Variants in SNCB observed in about 807,000 individuals in gnomAD.
The protein encoded by SNCB is beta-synuclein.
A neutral mutation model predicts 20.0 loss-of-function variants in SNCB; 8 were observed. The ratio of observed to expected loss-of-function variants is 0.40; its 90% CI spans 0.24 to 0.72. The LOEUF (loss-of-function observed/expected upper bound fraction) is 0.72. Ranked by LOEUF, SNCB falls within the 30% of genes least tolerant of loss-of-function variation. The pLI, the probability that SNCB is intolerant of heterozygous loss-of-function variation, is 0.37. For synonymous variants in SNCB, 56 were observed against 65.4 expected (o/e 0.86, Z 0.69); for missense variants, 125 against 168.0 (o/e 0.74, Z 1.41).
rs1242628573 is a variant in SNCB at position 176,629,402 on chromosome 5, C to T, written c.121+132G>A. ...TGGGCTGGCTATGTCCCCTATGACC[C>T]CTGCTGACCTCGCCCCATCTGCTGA... On this transcript the variant is annotated intron_variant, in intron 2 of 5. Transcript: ENST00000393693. This position sits in a 1 kb window ranked among gnomAD's most constrained non-coding sequence, Gnocchi z 4.1. The T allele has an allele frequency of 1.3e-5, 13 of 974,170 alleles. No individual in the cohort carries two copies. Among genetic ancestry groups the T allele is most frequent in the African/African-American group, 6.4e-5 (4 of 62,222 alleles). 60.3% of individuals were successfully genotyped at this position (974,170 alleles called of 1,614,324 possible).
In SNCB at chr5:176,621,088, T is replaced by C. The variant is rs893345649; in HGVS notation, c.372+126A>G. ...CTGCTCCCACCTCCTGGGGCCTGGG[T>C]TCTAGAAGAGGGATGTCAAGCTCCC... On this transcript the variant is annotated intron_variant, in intron 5 of 5. Coordinates refer to ENST00000393693, the MANE Select transcript of SNCB (RefSeq NM_003085.5). This position sits in a 1 kb window ranked among gnomAD's most constrained non-coding sequence, Gnocchi z 4.1. The C allele has an allele frequency of 3.5e-6, 3 of 851,634 alleles. No homozygotes were observed. In the African/African-American group the frequency reaches 5.0e-5, roughly 14 times the overall value. 52.8% of individuals were successfully genotyped at this position (851,634 alleles called of 1,614,324 possible).
intron 2 of SNCB, among the ~76,000 whole-genome samples, chr5:176,628,141 G>A (rs1388869907): frequency 1.3e-5 from 2 of 152,170 alleles, no homozygotes; most frequent in Non-Finnish European, 2.9e-5. Flanking sequence ...GCTTTAACTT[G>A]TAGGAACTGG....
At position 176,620,982 on chromosome 5, in the gene SNCB, G is replaced by A. The variant is rs1759550185; in HGVS notation, c.373-139C>T. The A allele has an allele frequency of 2.4e-6, 2 of 848,396 alleles. No homozygotes were observed. Among genetic ancestry groups the A allele is most frequent in the South Asian group, 1.4e-5 (1 of 69,946 alleles). 52.6% of individuals were successfully genotyped at this position (848,396 alleles called of 1,614,324 possible). A position where few individuals can be genotyped will look rare whatever the true frequency, so the allele number is the denominator to read the frequency against. ...TCCCCTTTTCCTGGGCAGGGGAGGAGCCTGGAAGTTGGGGACAACAGAGAA... is the reference window on the plus strand; with the variant it reads ...TCCCCTTTTCCTGGGCAGGGGAGGAACCTGGAAGTTGGGGACAACAGAGAA... On this transcript the variant is annotated intron_variant, in intron 5 of 5. Coordinates refer to ENST00000393693, the MANE Select transcript of SNCB (RefSeq NM_003085.5). The surrounding 1 kb of genome is among the most constrained non-coding windows in gnomAD (Gnocchi z 4.5).
At position 176,629,421 on chromosome 5, in the gene SNCB, C is replaced by G. The variant is rs909653851; in HGVS notation, c.121+113G>C. The G allele has an allele frequency of 3.4e-6, 4 of 1,193,022 alleles. No individual in the cohort carries two copies. The highest frequency in any genetic ancestry group is 4.8e-6 in the Non-Finnish European group (4 of 833,310). 73.9% of individuals were successfully genotyped at this position (1,193,022 alleles called of 1,614,324 possible). ...ATGACCCCTGCTGACCTCGCCCCAT[C>G]TGCTGACTCATATTCTCCTGCCCAG... On this transcript the variant is annotated intron_variant, in intron 2 of 5. Transcript: ENST00000393693. This position sits in a 1 kb window ranked among gnomAD's most constrained non-coding sequence, Gnocchi z 4.1.
At position 176,626,153 on chromosome 5, in the gene SNCB, A is replaced by T. The variant is rs927689698; in HGVS notation, c.282+245T>A. Among the ~76,000 whole-genome samples, 2 of 152,098 alleles carry T rather than the reference A, an allele frequency of 1.3e-5. No individual in the cohort carries two copies. The highest frequency in any genetic ancestry group is 4.8e-5 in the African/African-American group (2 of 41,392). On this transcript the variant is annotated intron_variant, in intron 4 of 5. Transcript: ENST00000393693. This position sits in a 1 kb window ranked among gnomAD's most constrained non-coding sequence, Gnocchi z 4.2. ...TGGGTCACGCTGGCAAGCAGGATAC[A>T]CGCAGACAGCCAGGTCTGGGTCCCC...
In SNCB at chr5:176,629,974, G is replaced by A; in HGVS notation, c.-10+306C>T. 1 of 321,030 alleles carries A rather than the reference G, an allele frequency of 3.1e-6. No individual in the cohort carries two copies. Among genetic ancestry groups the A allele is most frequent in the Non-Finnish European group, 5.9e-6 (1 of 170,146 alleles). The allele number at this position is 321,030 out of a possible 1,614,324, so 19.9% of individuals were successfully genotyped here. A position where few individuals can be genotyped will look rare whatever the true frequency, so the allele number is the denominator to read the frequency against. On this transcript the variant is annotated intron_variant, in intron 1 of 5. Coordinates refer to ENST00000393693, the MANE Select transcript of SNCB (RefSeq NM_003085.5). The surrounding 1 kb of genome is among the most constrained non-coding windows in gnomAD (Gnocchi z 4.1). ...GAATATCCAGGACCCGCCTGTACAC[G>A]CACGGCACAGTCACACGGTCATGCA...
In SNCB at chr5:176,629,769, TCTGGACC is replaced by T; in HGVS notation, c.-9-113_-9-107del. The stretch of plus-strand genomic sequence containing the variant: ...CCTACTCCCGAGACCGCGGCGCCCT[TCTGGACC>T]CTGAGCCCCCTCCCGCTTTCCCCCC... On this transcript the variant is annotated intron_variant, in intron 1 of 5. Coordinates refer to ENST00000393693, the MANE Select transcript of SNCB (RefSeq NM_003085.5). The surrounding 1 kb of genome is among the most constrained non-coding windows in gnomAD (Gnocchi z 4.1). The T allele has an allele frequency of 6.9e-7, 1 of 1,439,316 alleles. No homozygotes were observed. The highest frequency in any genetic ancestry group is 9.3e-7 in the Non-Finnish European group (1 of 1,076,068). 89.2% of individuals were successfully genotyped at this position (1,439,316 alleles called of 1,614,324 possible). A position where few individuals can be genotyped will look rare whatever the true frequency, so the allele number is the denominator to read the frequency against.
rs757359474 is a variant in SNCB at position 176,620,776 on chromosome 5, AG to A, written c.*34del. The A allele has an allele frequency of 6.4e-7, 1 of 1,563,086 alleles. No individual in the cohort carries two copies. The highest frequency in any genetic ancestry group is 8.8e-7 in the Non-Finnish European group (1 of 1,133,130). ...TGGGGGGCGGGGCAGGGACAGGGAC[AG>A]AATTGTGCTGCTGGTGGGGGCTCTC... On this transcript the variant is annotated 3_prime_UTR_variant, in exon 6 of 6. Transcript: ENST00000393693. The surrounding 1 kb of genome is among the most constrained non-coding windows in gnomAD (Gnocchi z 4.5).
Position 176,620,255 on chromosome 5 carries a change from C to CATTAAAAAA in SNCB, c.*555_*556insTTTTTTAAT. On this transcript the variant is annotated 3_prime_UTR_variant, in exon 6 of 6. Coordinates refer to ENST00000393693, the MANE Select transcript of SNCB (RefSeq NM_003085.5). The surrounding 1 kb of genome is among the most constrained non-coding windows in gnomAD (Gnocchi z 4.5). ...CATGGACTCTCGGGGGCGGCCGGGC[C>CATTAAAAAA]CACCCGCCCGGGACACGCTCACATG... The CATTAAAAAA allele has an allele frequency of 1.4e-5, 2 of 145,716 alleles. No individual in the cohort carries two copies. Among genetic ancestry groups the CATTAAAAAA allele is most frequent in the South Asian group, 2.3e-4 (1 of 4,342 alleles). 9.0% of individuals were successfully genotyped at this position (145,716 alleles called of 1,614,324 possible). A position where few individuals can be genotyped will look rare whatever the true frequency, so the allele number is the denominator to read the frequency against.
chr5:176,621,125 T>C lies in SNCB; in HGVS notation c.372+89A>G. The C allele has an allele frequency of 9.2e-7, 1 of 1,089,862 alleles. No individual in the cohort carries two copies. The highest frequency in any genetic ancestry group is 1.4e-6 in the Non-Finnish European group (1 of 725,434). 67.5% of individuals were successfully genotyped at this position (1,089,862 alleles called of 1,614,324 possible). ...GATGTCAAGCTCCCTGGCCCAACCA[T>C]CTCATGCCAGGGATGTCCCACCCCA... On this transcript the variant is annotated intron_variant, in intron 5 of 5. Coordinates refer to ENST00000393693, the MANE Select transcript of SNCB (RefSeq NM_003085.5). The surrounding 1 kb of genome is among the most constrained non-coding windows in gnomAD (Gnocchi z 4.1).
In SNCB at chr5:176,626,992, C is replaced by T. The variant is rs1324009337; in HGVS notation, c.122-231G>A. On this transcript the variant is annotated intron_variant, in intron 2 of 5. Transcript: ENST00000393693. The surrounding 1 kb of genome is among the most constrained non-coding windows in gnomAD (Gnocchi z 4.2). ...TCCCACCTGATGCGATACCCCACCC[C>T]TCTAGTGGATGTTGGCTGAGGGCCA... Among the ~76,000 whole-genome samples, 33 of 152,224 alleles carry T rather than the reference C, an allele frequency of 2.2e-4. No homozygotes were observed. The highest frequency in any genetic ancestry group is 2.1e-3 in the Admixed American group (32 of 15,288).
rs555695428 is a variant in SNCB, at chr5:176,620,949, T to C, written c.373-106A>G. ...AAGAACCCTCTCCCTGAAGGAGGAA[T>C]AGCACATTCCCCTTTTCCTGGGCAG... On this transcript the variant is annotated intron_variant, in intron 5 of 5. Transcript: ENST00000393693. The surrounding 1 kb of genome is among the most constrained non-coding windows in gnomAD (Gnocchi z 4.5). 11 of 994,936 alleles carry C rather than the reference T, an allele frequency of 1.1e-5. No individual in the cohort carries two copies. Among genetic ancestry groups the C allele is most frequent in the Non-Finnish European group, 1.6e-5 (10 of 622,164 alleles). The allele number at this position is 994,936 out of a possible 1,614,324, so 61.6% of individuals were successfully genotyped here.
chr5:176,621,413 A>C lies in SNCB; in HGVS notation c.283-110T>G. 3.7e-6 allele frequency: 3 copies of C among 821,498 alleles called. No homozygotes were observed. The South Asian group carries it at 4.3e-5, about 12-fold the overall frequency. The allele number at this position is 821,498 out of a possible 1,614,324, so 50.9% of individuals were successfully genotyped here. On this transcript the variant is annotated intron_variant, in intron 4 of 5. Coordinates refer to ENST00000393693, the MANE Select transcript of SNCB (RefSeq NM_003085.5). This position sits in a 1 kb window ranked among gnomAD's most constrained non-coding sequence, Gnocchi z 4.1. ...GTGGGGAAGGCTAGGGTGGGTTGGC[A>C]GAGCAAGGATAATTTCTAATTCAGT...
Position 176,621,661 on chromosome 5 carries a change from A to C in SNCB, c.283-358T>G, listed in dbSNP as rs574954594. Reference sequence around the variant, plus strand: ...CATCGGGACCCCAGAGATAACCCTCAGGCTCCCCTGGGCTGAAGGGAGCTG... The same window carrying C: ...CATCGGGACCCCAGAGATAACCCTCCGGCTCCCCTGGGCTGAAGGGAGCTG... On this transcript the variant is annotated intron_variant, in intron 4 of 5. Coordinates refer to ENST00000393693, the MANE Select transcript of SNCB (RefSeq NM_003085.5). The surrounding 1 kb of genome is among the most constrained non-coding windows in gnomAD (Gnocchi z 4.1). 3.3e-5 allele frequency among the ~76,000 whole-genome samples: 5 copies of C among 152,186 alleles called. No homozygotes were observed. The highest frequency in any genetic ancestry group is 9.6e-5 in the African/African-American group (4 of 41,510).
chr5:176,627,942 G>GA (rs1760079347), intron 2 of SNCB, among the ~76,000 whole-genome samples: 1 of 152,224 alleles, frequency 6.6e-6, no homozygotes, highest in Non-Finnish European at 1.5e-5. Context: ...TAGGCCTTGA[G>GA]AAATGGGGAA....
Position 176,629,392 on chromosome 5 carries a change from C to T in SNCB, c.121+142G>A. On this transcript the variant is annotated intron_variant, in intron 2 of 5. Transcript: ENST00000393693. This position sits in a 1 kb window ranked among gnomAD's most constrained non-coding sequence, Gnocchi z 4.1. The stretch of plus-strand genomic sequence containing the variant: ...CAGGCTTCTATGGGCTGGCTATGTC[C>T]CCTATGACCCCTGCTGACCTCGCCC... 3.4e-6 allele frequency: 3 copies of T among 871,044 alleles called. No individual in the cohort carries two copies. The highest frequency in any genetic ancestry group is 5.4e-6 in the Non-Finnish European group (3 of 557,586). 54.0% of individuals were successfully genotyped at this position (871,044 alleles called of 1,614,324 possible).
Position 176,626,377 on chromosome 5 carries a change from C to T in SNCB, c.282+21G>A, listed in dbSNP as rs374468997. 1.8e-4 allele frequency: 262 copies of T among 1,424,204 alleles called. 1 individual carries two copies. Among genetic ancestry groups the T allele is most frequent in the Non-Finnish European group, 4.5e-5 (45 of 1,008,334 alleles). The allele number at this position is 1,424,204 out of a possible 1,614,324, so 88.2% of individuals were successfully genotyped here. A position where few individuals can be genotyped will look rare whatever the true frequency, so the allele number is the denominator to read the frequency against. Reference sequence around the variant, plus strand: ...GTGTGTGTGTGTTTGCCTGCATGTGCGGGTCAGAAGGATCGCTTACCTTCA... The same window carrying T: ...GTGTGTGTGTGTTTGCCTGCATGTGTGGGTCAGAAGGATCGCTTACCTTCA... On this transcript the variant is annotated intron_variant, in intron 4 of 5. Transcript: ENST00000393693. The surrounding 1 kb of genome is among the most constrained non-coding windows in gnomAD (Gnocchi z 4.2).
In SNCB at chr5:176,629,807, A is replaced by C. The variant is rs1760249770; in HGVS notation, c.-9-144T>G. On this transcript the variant is annotated intron_variant, in intron 1 of 5. Coordinates refer to ENST00000393693, the MANE Select transcript of SNCB (RefSeq NM_003085.5). The surrounding 1 kb of genome is among the most constrained non-coding windows in gnomAD (Gnocchi z 4.1). ...CCCCCTCCCGCTTTCCCCCCATCCC[A>C]CCCCACTCCCCAGTGCGAAGCCTCA... 13 of 1,111,026 alleles carry C rather than the reference A, an allele frequency of 1.2e-5. No homozygotes were observed. Among genetic ancestry groups the C allele is most frequent in the East Asian group, 8.2e-5 (3 of 36,624 alleles). The allele number at this position is 1,111,026 out of a possible 1,614,324, so 68.8% of individuals were successfully genotyped here.
In SNCB at chr5:176,629,532, A is replaced by AC. The variant is rs752438484; in HGVS notation, c.121+1dup. 1.3e-6 allele frequency: 2 copies of AC among 1,599,344 alleles called. No homozygotes were observed. The highest frequency in any genetic ancestry group is 1.7e-6 in the Non-Finnish European group (2 of 1,173,530). On this transcript the variant is annotated splice_donor_variant, in intron 2 of 5. Transcript: ENST00000393693. LOFTEE classifies it high-confidence loss of function. The surrounding 1 kb of genome is among the most constrained non-coding windows in gnomAD (Gnocchi z 4.1). ...GCCCCAGAAACCCCGCCCCTTACCC[A>AC]CCGACGTAGAGGACGCCCTCCTTGG...
Sources: gnomAD v4.1 joint callset for allele counts (sites outside exome capture counted in the v4.1 genomes callset) on GRCh38, gnomAD v4.1.1 for gene constraint, Gnocchi (gnomAD v3.1) non-coding constraint, MANE v1.5 for transcripts, NCBI Gene and HGNC (gene_info 2026-07-23, HGNC 2026-07-21) for gene names.